SPECC1L: variants seen among roughly 807,000 people sequenced by gnomAD.
SPECC1L encodes sperm antigen with calponin homology and coiled-coil domains 1 like.
Under a neutral mutation model 116.8 loss-of-function variants are expected in SPECC1L, and 40 were observed. That is an observed-to-expected ratio of 0.34 (90% CI 0.27 to 0.45). SPECC1L has a LOEUF of 0.45. Among genes scored for constraint, SPECC1L ranks in the 20% least tolerant of loss-of-function variants. The probability of loss-of-function intolerance (pLI) is 1.00; values close to 1 mark genes in which losing one functional copy is unlikely to be tolerated. For missense variants in SPECC1L, 1,110 were observed against 1,373.6 expected, an observed-to-expected ratio of 0.81 and a Z score of 3.03; for synonymous variants, 504 against 500.6, an observed-to-expected ratio of 1.01 and a Z score of -0.09.
chr22:24,345,235 A>G (rs2146556120), intron 10 of SPECC1L, among the ~76,000 whole-genome samples: 1 of 152,328 alleles, frequency 6.6e-6, no homozygotes, highest in African/African-American at 2.4e-5. Context: ...TGAAGAAAAG[A>G]TTCTGAAATG....
chr22:24,318,986 C>G (rs745453419), intron 4 of SPECC1L, among the ~76,000 whole-genome samples: 7 of 151,894 alleles, frequency 4.6e-5, no homozygotes, highest in Non-Finnish European at 8.8e-5. Context: ...TTATCCCAGT[C>G]TGGTTACTCT....
In SPECC1L at chr22:24,322,015, A is replaced by G; in HGVS notation, c.1035A>G (p.Leu345=). The part of the protein sequence containing the change: ...DHQHSNSMDN[L]DSECSEVYQP... ...AGCACAGTAACTCCATGGACAATTT[A>G]GACAGTGAGTGCAGTGAGGTCTACC... Residue 345 remains leucine (L), a synonymous_variant, in exon 5 of 17, where the codon TTA becomes TTG. Transcript: ENST00000314328. 6.2e-7 allele frequency: 1 copy of G among 1,614,222 alleles called. No homozygotes were observed. Among genetic ancestry groups the G allele is most frequent in the Non-Finnish European group, 8.5e-7 (1 of 1,180,040 alleles).
At chr22:24,291,742 A>G (rs1218330140) in intron 2 of SPECC1L, among the ~76,000 whole-genome samples, 1 of 152,194 alleles carries the variant, frequency 6.6e-6, no homozygotes, top group African/African-American at 2.4e-5. Flanking sequence ...CTTATAAGGA[A>G]GGTACATAGT....
intron 6 of SPECC1L, among the ~76,000 whole-genome samples, chr22:24,326,070 C>G (rs932819333): frequency 6.6e-6 from 1 of 152,136 alleles, no homozygotes; most frequent in Non-Finnish European, 1.5e-5. Flanking sequence ...TCTCCTGCTT[C>G]AGCCTCCTGT....
At chr22:24,309,195 G>T (rs555719259) in intron 3 of SPECC1L, among the ~76,000 whole-genome samples, 172 of 152,258 alleles carry the variant, frequency 1.1e-3, no homozygotes, top group African/African-American at 4.0e-3. Flanking sequence ...CTATTAAAAT[G>T]TGTGAGTTCA....
At chr22:24,343,451 T>TG in intron 10 of SPECC1L, 1 of 408,450 alleles carries the variant, frequency 2.4e-6, no homozygotes, top group Non-Finnish European at 4.9e-6. Context: ...AATGGTTGTG[T>TG]TTTTTTTTTG....
rs150190199 is a variant in SPECC1L, at chr22:24,331,121, G to A, written c.2396+690G>A. Among the ~76,000 whole-genome samples the A allele has an allele frequency of 4.1e-3, 617 of 152,160 alleles. 7 individuals are homozygous for A. The highest frequency in any genetic ancestry group is 0.014 in the African/African-American group (576 of 41,498). On this transcript the variant is annotated intron_variant, in intron 8 of 16. Coordinates refer to ENST00000314328, the MANE Select transcript of SPECC1L (RefSeq NM_015330.6). ...CATTGGAAACTGATGAAAATTATTAGATGAAATGACAGTTGTGACATGTGA... is the reference window on the plus strand; with the variant it reads ...CATTGGAAACTGATGAAAATTATTAAATGAAATGACAGTTGTGACATGTGA...
At chr22:24,299,722 T>A (rs530151609) in intron 2 of SPECC1L, among the ~76,000 whole-genome samples, 1 of 152,242 alleles carries the variant, frequency 6.6e-6, no homozygotes, top group African/African-American at 2.4e-5. Context: ...TAATTTTAGC[T>A]CTATTGATAT....
chr22:24,324,001 A>C (rs539015973), intron 5 of SPECC1L, among the ~76,000 whole-genome samples: 15 of 152,362 alleles, frequency 9.8e-5, no homozygotes, highest in Admixed American at 7.8e-4. Context: ...ACATCAATAT[A>C]ATTTCAGTCA....
At chr22:24,285,919 C>G (rs914512943) in intron 2 of SPECC1L, among the ~76,000 whole-genome samples, 1 of 152,234 alleles carries the variant, frequency 6.6e-6, no homozygotes, top group Non-Finnish European at 1.5e-5. Context: ...GGATTACAGG[C>G]GTGAGCTACC....
chr22:24,400,137 G>A (rs1264842159), intron 14 of SPECC1L, among the ~76,000 whole-genome samples: 2 of 152,136 alleles, frequency 1.3e-5, no homozygotes, highest in African/African-American at 2.4e-5. Context: ...CAATTCGGTA[G>A]CATTAAGTGC....
rs566956638 is a variant in SPECC1L, at chr22:24,309,809, C to T, written c.154-3504C>T. On this transcript the variant is annotated intron_variant, in intron 3 of 16. Coordinates refer to ENST00000314328, the MANE Select transcript of SPECC1L (RefSeq NM_015330.6). ...TGGGTTGTGTTGTTCATTTGAAATACAGTTAGTCTGTTTGTTCCTATCCTA... is the reference window on the plus strand; with the variant it reads ...TGGGTTGTGTTGTTCATTTGAAATATAGTTAGTCTGTTTGTTCCTATCCTA... 5.9e-5 allele frequency among the ~76,000 whole-genome samples: 9 copies of T among 152,332 alleles called. No homozygotes were observed. The South Asian group carries it at 1.7e-3, about 28-fold the overall frequency.
chr22:24,300,297 A>G (rs1351971438), intron 2 of SPECC1L, among the ~76,000 whole-genome samples: 1 of 152,156 alleles, frequency 6.6e-6, no homozygotes, highest in Non-Finnish European at 1.5e-5. Context: ...TGTCCCTCCA[A>G]AGGACATGAT....
chr22:24,363,950 G>A (rs1043971543), intron 12 of SPECC1L, among the ~76,000 whole-genome samples: 1 of 151,798 alleles, frequency 6.6e-6, no homozygotes, highest in Non-Finnish European at 1.5e-5. Flanking sequence ...AGTGGGGGCA[G>A]CAGTTTTTAG....
intron 14 of SPECC1L, among the ~76,000 whole-genome samples, chr22:24,395,853 C>T (rs1312520230): frequency 6.6e-6 from 1 of 152,136 alleles, no homozygotes; most frequent in East Asian, 1.9e-4. Flanking sequence ...GTTGGCCAGG[C>T]TGGTCTCGAA....
intron 3 of SPECC1L, among the ~76,000 whole-genome samples, chr22:24,303,393 C>A (rs896471635): frequency 1.3e-5 from 2 of 152,110 alleles, no homozygotes; most frequent in Non-Finnish European, 2.9e-5. Context: ...AGGAATAGAC[C>A]CTTGCCCAGC....
chr22:24,394,061 C>T (rs920912760), intron 14 of SPECC1L, among the ~76,000 whole-genome samples: 5 of 151,946 alleles, frequency 3.3e-5, no homozygotes, highest in Non-Finnish European at 4.4e-5. Context: ...TTGGGTTTAC[C>T]ACAATTATTA....
chr22:24,369,605 G>GGGAGGATCACTTGAGCCTGGGAGGC (rs1434604655), intron 14 of SPECC1L, among the ~76,000 whole-genome samples: 1 of 152,122 alleles, frequency 6.6e-6, no homozygotes, highest in Non-Finnish European at 1.5e-5. Flanking sequence ...AGGCTGAGGT[G>GGGAGGATCACTTGAGCCTGGGAGGC]GGAGGATCAC....
intron 14 of SPECC1L, among the ~76,000 whole-genome samples, chr22:24,396,967 C>T (rs1294137040): frequency 6.6e-6 from 1 of 152,194 alleles, no homozygotes; most frequent in Admixed American, 6.5e-5. Context: ...TCTCTGGGGT[C>T]CTGGTGACGG....
Sources: allele counts gnomAD v4.1 joint callset (sites outside exome capture counted in the v4.1 genomes callset), GRCh38; gene constraint gnomAD v4.1.1; transcripts MANE v1.5; gene names NCBI Gene and HGNC (gene_info 2026-07-23, HGNC 2026-07-21).